The following FBXO34 variants were observed in gnomAD, a reference collection of about 807,000 sequenced individuals.
FBXO34 encodes F-box only protein 34.
FBXO34 carries 12 observed loss-of-function variants against 24.5 expected under a neutral mutation model. The ratio of observed to expected loss-of-function variants is 0.49; its 90% CI spans 0.31 to 0.79. The LOEUF is 0.79. FBXO34 is among the 30% of genes least tolerant of loss of function. The pLI is 0.04. For missense variants in FBXO34, 823 were observed against 857.7 expected (o/e 0.96, Z 0.51); for synonymous variants, 320 against 311.9 (o/e 1.03, Z -0.27).
chr14:55,440,526 G>C, the FBXO34 span: 1 of 1,608,254 alleles, frequency 6.2e-7, no homozygotes, highest in South Asian at 1.1e-5. Context: ...AACCCGCTCC[G>C]GCCAGGGCGC....
At chr14:55,441,310 A>G in the FBXO34 span, among the ~76,000 whole-genome samples, 1 of 151,846 alleles carries the variant, frequency 6.6e-6, no homozygotes, top group Admixed American at 6.6e-5. Flanking sequence ...CGCCTGGCTA[A>G]TTTTATTTTT....
At chr14:55,418,935 A>G in the FBXO34 span, among the ~76,000 whole-genome samples, 1 of 152,226 alleles carries the variant, frequency 6.6e-6, no homozygotes, top group African/African-American at 2.4e-5. Flanking sequence ...CATTTTGCAT[A>G]TATGGAAACC....
intron 1 of FBXO34, among the ~76,000 whole-genome samples, chr14:55,297,507 A>G (rs370314092): frequency 2.6e-5 from 4 of 152,238 alleles, no homozygotes; most frequent in Admixed American, 2.0e-4. Context: ...AATGCCTAGC[A>G]TATAGTAAGT....
intron 1 of FBXO34, among the ~76,000 whole-genome samples, chr14:55,346,558 A>C (rs1884166888): frequency 6.6e-6 from 1 of 152,162 alleles, no homozygotes; most frequent in South Asian, 2.1e-4. Context: ...GAAATGTTTG[A>C]GTTAAAACTA....
chr14:55,298,495 T>G (rs961835065), intron 1 of FBXO34: 1 of 594,308 alleles, frequency 1.7e-6, no homozygotes, highest in Non-Finnish European at 3.0e-6. Flanking sequence ...CAGTGAGCCC[T>G]TATGTTTGTA....
intron 1 of FBXO34, among the ~76,000 whole-genome samples, chr14:55,277,221 A>G (rs916097524): frequency 1.1e-4 from 17 of 152,240 alleles, no homozygotes; most frequent in African/African-American, 4.1e-4. Context: ...TACTTGTTCA[A>G]ATGGTCTACT....
intron 1 of FBXO34, among the ~76,000 whole-genome samples, chr14:55,346,249 G>C (rs1372492605): frequency 6.6e-6 from 1 of 152,206 alleles, no homozygotes; most frequent in Non-Finnish European, 1.5e-5. Flanking sequence ...TGGCTGGAAT[G>C]GGCCTCAGCA....
intron 1 of FBXO34, among the ~76,000 whole-genome samples, chr14:55,330,190 A>G (rs940425227): frequency 9.9e-5 from 15 of 152,244 alleles, no homozygotes; most frequent in African/African-American, 3.6e-4. Context: ...TTTTAACCTG[A>G]TTGGTGGGTG....
At chr14:55,384,535 C>G in the FBXO34 span, among the ~76,000 whole-genome samples, 1 of 152,192 alleles carries the variant, frequency 6.6e-6, no homozygotes, top group Non-Finnish European at 1.5e-5. Context: ...TTCTATTTTG[C>G]TCTATTTTGA....
chr14:55,420,606 C>T, the FBXO34 span, among the ~76,000 whole-genome samples: 2 of 152,174 alleles, frequency 1.3e-5, no homozygotes, highest in African/African-American at 2.4e-5. Flanking sequence ...ATTTAATCCT[C>T]ACCTCCAGAA....
chr14:55,299,364 A>T, intron 1 of FBXO34: 1 of 320,224 alleles, frequency 3.1e-6, no homozygotes, highest in Non-Finnish European at 5.8e-6. Flanking sequence ...CTCTCTGCAT[A>T]GCATGGTCTG....
chr14:55,277,961 T>G (rs1052183301), intron 1 of FBXO34, among the ~76,000 whole-genome samples: 3 of 152,190 alleles, frequency 2.0e-5, no homozygotes, highest in Admixed American at 6.5e-5. Flanking sequence ...ATCAACAGAT[T>G]AGTCTGAACT....
intron 1 of FBXO34, among the ~76,000 whole-genome samples, chr14:55,288,707 A>T (rs1881844545): frequency 6.6e-6 from 1 of 152,208 alleles, no homozygotes; most frequent in African/African-American, 2.4e-5. Context: ...GATTTGATTT[A>T]GCTAGCTGCT....
intron 1 of FBXO34, among the ~76,000 whole-genome samples, chr14:55,277,998 T>G (rs1185425448): frequency 6.6e-6 from 1 of 152,164 alleles, no homozygotes; most frequent in Non-Finnish European, 1.5e-5. Context: ...TGAATGACAC[T>G]GCAGAGCTTG....
downstream of FBXO34, among the ~76,000 whole-genome samples, chr14:55,374,967 A>G (rs1034567698): frequency 1.3e-5 from 2 of 152,194 alleles, no homozygotes; most frequent in African/African-American, 4.8e-5. Context: ...CTTGCAGACT[A>G]TACTTCTAGT....
chr14:55,363,195 T>C (rs1884617221), downstream of FBXO34, among the ~76,000 whole-genome samples: 1 of 149,976 alleles, frequency 6.7e-6, no homozygotes, highest in Non-Finnish European at 1.5e-5. Context: ...GCTAATTTTT[T>C]TTTTTTTTTT....
chr14:55,417,093 T>A, the FBXO34 span, among the ~76,000 whole-genome samples: 1 of 152,296 alleles, frequency 6.6e-6, no homozygotes, highest in African/African-American at 2.4e-5. Flanking sequence ...GATCATTATA[T>A]CATAGAGAAA....
At chr14:55,416,447 TAAAAAG>T in the FBXO34 span, among the ~76,000 whole-genome samples, 2 of 151,618 alleles carry the variant, frequency 1.3e-5, no homozygotes, top group African/African-American at 4.8e-5. Context: ...AGGAAAAAAA[TAAAAAG>T]AGAAAAAATA....
At chr14:55,419,187 G>C in the FBXO34 span, among the ~76,000 whole-genome samples, 9 of 152,370 alleles carry the variant, frequency 5.9e-5, no homozygotes, top group Admixed American at 5.9e-4. Context: ...GGGCTCTGGA[G>C]CCTGGCTCCT....
Sources: gnomAD v4.1 joint callset for allele counts (sites outside exome capture counted in the v4.1 genomes callset) on GRCh38, gnomAD v4.1.1 for gene constraint, MANE v1.5 for transcripts, NCBI Gene and HGNC (gene_info 2026-07-23, HGNC 2026-07-21) for gene names.